Variants in COL25A1 observed in about 807,000 individuals in gnomAD.
COL25A1 encodes the protein collagen type XXV alpha 1 chain.
COL25A1 carries 103 observed loss-of-function variants against 128.4 expected under a neutral mutation model. That is an observed-to-expected ratio of 0.80 (90% CI 0.68 to 0.94). The LOEUF is 0.94. Among genes scored for constraint, COL25A1 ranks in the 40% least tolerant of loss-of-function variants. The probability of loss-of-function intolerance (pLI) is 0.00; values close to 1 mark genes in which losing one functional copy is unlikely to be tolerated. For synonymous variants in COL25A1, 279 were observed against 277.2 expected (o/e 1.01, Z -0.06); for missense variants, 745 against 840.0 (o/e 0.89, Z 1.40).
chr4:108,918,224 G>A lies in COL25A1; in HGVS notation c.736-8C>T. 1 of 1,586,030 alleles carries A rather than the reference G, an allele frequency of 6.3e-7. No individual in the cohort carries two copies. Among genetic ancestry groups the A allele is most frequent in the Non-Finnish European group, 8.6e-7 (1 of 1,161,402 alleles). ...AGGTGCTCCAATAGAACCCTAAAGA[G>A]ACACATGATTAAATTCAGTTGATAT... On this transcript the variant is annotated splice_polypyrimidine_tract_variant and splice_region_variant and intron_variant, in intron 12 of 37. Transcript: ENST00000399132.
intron 5 of COL25A1, among the ~76,000 whole-genome samples, chr4:109,020,248 C>T (rs1258766261): frequency 1.3e-5 from 2 of 152,046 alleles, no homozygotes; most frequent in Non-Finnish European, 2.9e-5. Context: ...ATTTATATTA[C>T]CTGTTGTGCT....
chr4:108,965,747 G>A (rs769905405), intron 8 of COL25A1, among the ~76,000 whole-genome samples: 2 of 152,076 alleles, frequency 1.3e-5, no homozygotes, highest in African/African-American at 2.4e-5. Flanking sequence ...AGATGACAAC[G>A]GGAGAAGCAT....
At chr4:109,073,794 T>G (rs1314138216) in intron 3 of COL25A1, among the ~76,000 whole-genome samples, 3 of 152,236 alleles carry the variant, frequency 2.0e-5, no homozygotes, top group Non-Finnish European at 4.4e-5. Flanking sequence ...TTTCACTATT[T>G]CTGTCTACTA....
chr4:108,874,924 G>T (rs1429763935), intron 19 of COL25A1, among the ~76,000 whole-genome samples: 3 of 152,100 alleles, frequency 2.0e-5, no homozygotes, highest in Non-Finnish European at 4.4e-5. Context: ...TCATTTCACA[G>T]ATATTCCACA....
At chr4:108,883,986 T>C (rs1016088004) in intron 19 of COL25A1, among the ~76,000 whole-genome samples, 192 bp downstream of exon 19, 8 of 152,190 alleles carry the variant, frequency 5.3e-5, no homozygotes, top group African/African-American at 1.9e-4. Flanking sequence ...AAACAATCCA[T>C]ATTGCCATGG....
intron 5 of COL25A1, among the ~76,000 whole-genome samples, chr4:109,013,143 C>T (rs760355356): frequency 5.9e-4 from 90 of 151,910 alleles, no homozygotes; most frequent in Non-Finnish European, 1.1e-3. Flanking sequence ...AGTTTGTAAA[C>T]GCACCAATCA....
chr4:109,170,513 A>G (rs1773485563), intron 3 of COL25A1, among the ~76,000 whole-genome samples: 1 of 152,104 alleles, frequency 6.6e-6, no homozygotes, highest in Admixed American at 6.6e-5. Context: ...AACAACAAAT[A>G]AACAAAAAAC....
intron 8 of COL25A1, among the ~76,000 whole-genome samples, chr4:108,961,623 T>TCTGTTCTGTTCTGTTCTGTC (rs1553984744): frequency 6.6e-6 from 1 of 151,420 alleles, no homozygotes; most frequent in African/African-American, 2.4e-5. Context: ...TCTGTTCTGT[T>TCTGTTCTGTTCTGTTCTGTC]CTGTTGTTGT....
chr4:108,983,128 G>C (rs925678337), intron 6 of COL25A1, among the ~76,000 whole-genome samples: 2 of 152,100 alleles, frequency 1.3e-5, no homozygotes, highest in African/African-American at 4.8e-5. Flanking sequence ...CTTCTACCTA[G>C]CATCATTCCT....
chr4:108,941,401 C>G lies in COL25A1; in HGVS notation c.529G>C (p.Ala177Pro). The change falls in exon 9 of 38, where the codon GCT (alanine) becomes CCT (proline). Residue 177 changes from alanine to proline, a missense_variant. By Grantham distance (27) the Ala-to-Pro change is conservative. Transcript: ENST00000399132. ...CGGCGTTTAATGAGCTGCTGATCAG[C>G]AGAGAGAAACCCATGATTGATTTTA... ...FPKINHGFLS[A>P]DQQLIKRRLI... 2 of 1,613,968 alleles carry G rather than the reference C, an allele frequency of 1.2e-6. No homozygotes were observed. Among genetic ancestry groups the G allele is most frequent in the Non-Finnish European group, 1.7e-6 (2 of 1,179,938 alleles).
intron 3 of COL25A1, among the ~76,000 whole-genome samples, chr4:109,092,231 T>C (rs1286182382): frequency 6.6e-6 from 1 of 152,132 alleles, no homozygotes; most frequent in East Asian, 1.9e-4. Flanking sequence ...ATCTCAGCAC[T>C]TTGGGAGGCT....
chr4:109,209,012 C>T (rs1777275797), intron 3 of COL25A1, among the ~76,000 whole-genome samples: 1 of 152,098 alleles, frequency 6.6e-6, no homozygotes, highest in African/African-American at 2.4e-5. Flanking sequence ...TCATTATATT[C>T]ACTGAATATT....
chr4:109,299,533 A>T (rs1360031452), intron 3 of COL25A1, among the ~76,000 whole-genome samples: 2 of 152,194 alleles, frequency 1.3e-5, no homozygotes, highest in African/African-American at 4.8e-5. Context: ...TGCCTTGTGT[A>T]GCTCTGCCAA....
intron 13 of COL25A1, among the ~76,000 whole-genome samples, chr4:108,915,210 T>C (rs140970661): frequency 3.3e-4 from 51 of 152,288 alleles, no homozygotes; most frequent in African/African-American, 1.0e-3. Flanking sequence ...AGATTAGCAA[T>C]CAAGGTGATC....
intron 6 of COL25A1, among the ~76,000 whole-genome samples, chr4:108,990,495 A>AGAC (rs1754128204): frequency 6.6e-6 from 1 of 151,828 alleles, no homozygotes; most frequent in Non-Finnish European, 1.5e-5. Flanking sequence ...TTATGCTATA[A>AGAC]CCATATCTAA....
chr4:108,898,919 A>T (rs1332742051), intron 15 of COL25A1, among the ~76,000 whole-genome samples: 1 of 152,136 alleles, frequency 6.6e-6, no homozygotes, highest in African/African-American at 2.4e-5. Context: ...TATACATAAG[A>T]ATCACACTAT....
intron 3 of COL25A1, among the ~76,000 whole-genome samples, chr4:109,186,851 C>G (rs1033394488): frequency 1.3e-5 from 2 of 152,170 alleles, no homozygotes; most frequent in Admixed American, 1.3e-4. Flanking sequence ...GTCATGCATT[C>G]GACATCAGCA....
chr4:109,030,074 T>A (rs975907760), intron 5 of COL25A1, among the ~76,000 whole-genome samples: 1 of 152,070 alleles, frequency 6.6e-6, no homozygotes, highest in Non-Finnish European at 1.5e-5. Context: ...ATCCTTTACT[T>A]CCTCAGGATG....
At chr4:109,147,607 A>C (rs1578286547) in intron 3 of COL25A1, among the ~76,000 whole-genome samples, 1 of 152,146 alleles carries the variant, frequency 6.6e-6, no homozygotes, top group Non-Finnish European at 1.5e-5. Context: ...ACTTGAGGTC[A>C]GGAGTTCGAG....
Sources: allele counts gnomAD v4.1 joint callset (sites outside exome capture counted in the v4.1 genomes callset), GRCh38; gene constraint gnomAD v4.1.1; transcripts MANE v1.5; gene names NCBI Gene and HGNC (gene_info 2026-07-23, HGNC 2026-07-21).